Variants in SLCO5A1 observed in about 807,000 individuals in gnomAD.
The protein encoded by SLCO5A1 is organic anion transporter polypeptide-related protein 4.
SLCO5A1 carries 39 observed loss-of-function variants against 65.1 expected under a neutral mutation model. That is an observed-to-expected ratio of 0.60 (90% CI 0.46 to 0.78). The LOEUF (loss-of-function observed/expected upper bound fraction) is 0.78. Ranked by LOEUF, SLCO5A1 falls within the 30% of genes least tolerant of loss-of-function variation. SLCO5A1 has a pLI of 0.00. For synonymous variants in SLCO5A1, 438 were observed against 415.7 expected (o/e 1.05, Z -0.65); for missense variants, 1,029 against 1,069.4 (o/e 0.96, Z 0.53).
intron 2 of SLCO5A1, among the ~76,000 whole-genome samples, chr8:69,769,977 A>G (rs535254547): frequency 1.3e-5 from 2 of 152,358 alleles, no homozygotes; most frequent in African/African-American, 4.8e-5. Context: ...ATAATACCAC[A>G]GTGACAATAA....
Position 69,808,977 on chromosome 8 carries a change from G to A in SLCO5A1, c.907+22790C>T, listed in dbSNP as rs182223261. The stretch of plus-strand genomic sequence containing the variant: ...AAATTAGCCAGGCATGGTGGTGGGC[G>A]CCCATAATCCCAGCTACTCGGGAGG... On this transcript the variant is annotated intron_variant, in intron 2 of 9. Coordinates refer to ENST00000260126, the MANE Select transcript of SLCO5A1 (RefSeq NM_030958.3). Among the ~76,000 whole-genome samples the A allele has an allele frequency of 9.5e-3, 1,438 of 152,114 alleles. 21 individuals carry two copies. Among genetic ancestry groups the A allele is most frequent in the African/African-American group, 0.032 (1,343 of 41,490 alleles).
At chr8:69,755,141 T>C (rs983901342) in intron 4 of SLCO5A1, among the ~76,000 whole-genome samples, 1 of 152,230 alleles carries the variant, frequency 6.6e-6, no homozygotes, top group African/African-American at 2.4e-5. Context: ...TTATTTCTAG[T>C]CTGTCATCTA....
At chr8:69,789,132 G>T (rs544420203) in intron 2 of SLCO5A1, among the ~76,000 whole-genome samples, 1 of 152,062 alleles carries the variant, frequency 6.6e-6, no homozygotes, top group Admixed American at 6.6e-5. Context: ...CAGTAAAACC[G>T]ACCCAGGACA....
At position 69,669,839 on chromosome 8, in the gene SLCO5A1, T is replaced by G. The variant is rs918254396; in HGVS notation, c.*3030A>C. On this transcript the variant is annotated 3_prime_UTR_variant, in exon 10 of 10. Coordinates refer to ENST00000260126, the MANE Select transcript of SLCO5A1 (RefSeq NM_030958.3). ...TCAAAAAAAAAAAAAGAATCAAATCTTTGCAAGGTAATTAAGAGGATCAAA... is the reference window on the plus strand; with the variant it reads ...TCAAAAAAAAAAAAAGAATCAAATCGTTGCAAGGTAATTAAGAGGATCAAA... 1 of 151,834 alleles carries G rather than the reference T, an allele frequency of 6.6e-6. No homozygotes were observed. Among genetic ancestry groups the G allele is most frequent in the Non-Finnish European group, 1.5e-5 (1 of 67,986 alleles). 9.4% of individuals were successfully genotyped at this position (151,834 alleles called of 1,614,324 possible).
chr8:69,694,632 C>T (rs993190118), intron 6 of SLCO5A1, among the ~76,000 whole-genome samples: 3 of 152,144 alleles, frequency 2.0e-5, no homozygotes, highest in Non-Finnish European at 4.4e-5. Flanking sequence ...TTTTTGTTCA[C>T]GCAAAGGTAT....
chr8:69,818,145 A>G (rs1173537843), intron 2 of SLCO5A1, among the ~76,000 whole-genome samples: 3 of 152,274 alleles, frequency 2.0e-5, no homozygotes, highest in Admixed American at 2.0e-4. Flanking sequence ...TCTAAGAAGT[A>G]GCCACAGTTT....
chr8:69,686,425 C>T (rs10504457), intron 6 of SLCO5A1, among the ~76,000 whole-genome samples: 40,574 of 152,012 alleles, frequency 0.27, 5,810 homozygotes, highest in South Asian at 0.37. Flanking sequence ...AGCTATGCAA[C>T]TTCAGGTTTA....
chr8:69,780,002 T>A (rs57731801), intron 2 of SLCO5A1, among the ~76,000 whole-genome samples: 3 of 152,002 alleles, frequency 2.0e-5, no homozygotes, highest in Admixed American at 2.0e-4. Context: ...CATGAATAGA[T>A]AATTTTCAAC....
At chr8:69,831,459 G>A (rs1821148617) in intron 2 of SLCO5A1, among the ~76,000 whole-genome samples, 1 of 152,068 alleles carries the variant, frequency 6.6e-6, no homozygotes, top group African/African-American at 2.4e-5. Flanking sequence ...ATATAAACTT[G>A]ACAAATTGGA....
intron 2 of SLCO5A1, among the ~76,000 whole-genome samples, chr8:69,808,812 A>G (rs984373049): frequency 2.6e-5 from 4 of 152,196 alleles, no homozygotes; most frequent in South Asian, 2.1e-4. Context: ...TTTGATAATC[A>G]TAACTAAAGG....
intron 5 of SLCO5A1, among the ~76,000 whole-genome samples, chr8:69,706,422 T>C (rs1289821952): frequency 1.3e-5 from 2 of 152,212 alleles, no homozygotes; most frequent in Non-Finnish European, 2.9e-5. Context: ...GTCTGAATGT[T>C]TGTGTCCCCA....
intron 4 of SLCO5A1, among the ~76,000 whole-genome samples, chr8:69,755,115 C>A (rs533253864): frequency 3.3e-5 from 5 of 152,044 alleles, no homozygotes; most frequent in Non-Finnish European, 4.4e-5. Flanking sequence ...TGAGGAAAAA[C>A]CATTTTTTTA....
At chr8:69,683,735 G>T (rs1324856060) in intron 6 of SLCO5A1, among the ~76,000 whole-genome samples, 1 of 152,006 alleles carries the variant, frequency 6.6e-6, no homozygotes, top group Non-Finnish European at 1.5e-5. Flanking sequence ...GCTAATTTTT[G>T]TATTTTCAGT....
intron 4 of SLCO5A1, among the ~76,000 whole-genome samples, chr8:69,748,520 C>T (rs1290410954): frequency 1.3e-5 from 2 of 152,018 alleles, no homozygotes; most frequent in African/African-American, 4.8e-5. Flanking sequence ...ACAAATAATT[C>T]GATACACAGA....
At chr8:69,728,045 C>T (rs145976994) in intron 5 of SLCO5A1, among the ~76,000 whole-genome samples, 47 of 152,282 alleles carry the variant, frequency 3.1e-4, no homozygotes, top group African/African-American at 9.6e-4. Context: ...AACAACCAAA[C>T]GCCCATCATT....
intron 5 of SLCO5A1, among the ~76,000 whole-genome samples, chr8:69,730,517 T>G (rs961896703): frequency 7.9e-5 from 12 of 152,298 alleles, no homozygotes; most frequent in African/African-American, 2.9e-4. Context: ...GTCCACCTTA[T>G]GTACTGCGAA....
chr8:69,702,159 AAC>A (rs1261389210), intron 6 of SLCO5A1, among the ~76,000 whole-genome samples: 1 of 152,130 alleles, frequency 6.6e-6, no homozygotes, highest in Non-Finnish European at 1.5e-5. Flanking sequence ...ATTTTAATAA[AAC>A]ATAATTTGAT....
intron 6 of SLCO5A1, 97 bp from the exon 7 acceptor site, chr8:69,682,440 T>C (rs1429699002): frequency 8.1e-7 from 1 of 1,235,230 alleles, no homozygotes; most frequent in South Asian, 2.1e-5. Context: ...TTAGAGAAAA[T>C]ATTCTTCCCA....
chr8:69,723,145 G>T (rs1815905321), intron 5 of SLCO5A1, among the ~76,000 whole-genome samples: 1 of 151,888 alleles, frequency 6.6e-6, no homozygotes, highest in Non-Finnish European at 1.5e-5. Flanking sequence ...TATTTGTTTT[G>T]CATAACATTA....
Sources: gnomAD v4.1 joint callset for allele counts (sites outside exome capture counted in the v4.1 genomes callset) on GRCh38, gnomAD v4.1.1 for gene constraint, MANE v1.5 for transcripts, NCBI Gene and HGNC (gene_info 2026-07-23, HGNC 2026-07-21) for gene names.